PCDH7: variants seen among roughly 807,000 people sequenced by gnomAD.
PCDH7 encodes the protein protocadherin 7, also known as protocadherin-7.
A neutral mutation model predicts 58.9 loss-of-function variants in PCDH7; 17 were observed. The observed-to-expected ratio is 0.29, with a 90% CI of 0.20 to 0.43. The LOEUF (loss-of-function observed/expected upper bound fraction) is 0.43. Among genes scored for constraint, PCDH7 ranks in the 20% least tolerant of loss-of-function variants. The pLI is 1.00. For synonymous variants in PCDH7, 664 were observed against 616.4 expected (o/e 1.08, Z -1.14); for missense variants, 1,274 against 1,441.0 (o/e 0.88, Z 1.88).
chr4:31,071,045 G>A (rs1482754306), intron 3 of PCDH7, among the ~76,000 whole-genome samples: 1 of 152,022 alleles, frequency 6.6e-6, no homozygotes, highest in Admixed American at 6.6e-5. Context: ...TTCTGCCAAG[G>A]CAAGAGTGCA....
chr4:31,050,090 G>A (rs768456615), intron 3 of PCDH7, among the ~76,000 whole-genome samples: 1 of 152,076 alleles, frequency 6.6e-6, no homozygotes, highest in Non-Finnish European at 1.5e-5. Flanking sequence ...GTGACAGGAG[G>A]TGCAGGACTC....
At position 30,866,783 on chromosome 4, in the gene PCDH7, C is replaced by T. The variant is rs1734935405; in HGVS notation, c.71-53370C>T. ...ACATGGTAAACTGGAATAAGACAAT[C>T]GTTTACAGAGAAACAGGACTTGCAA... On this transcript the variant is annotated intron_variant, in intron 1 of 3. Transcript: ENST00000509759. Among the ~76,000 whole-genome samples, 5 of 152,034 alleles carry T rather than the reference C, an allele frequency of 3.3e-5. No homozygotes were observed. In the Middle Eastern group the frequency reaches 0.014, roughly 417 times the overall value.
chr4:30,782,030 T>G (rs1158369468), intron 1 of PCDH7, among the ~76,000 whole-genome samples: 1 of 152,214 alleles, frequency 6.6e-6, no homozygotes, highest in African/African-American at 2.4e-5. Context: ...ATGTTGCAAT[T>G]TAGACAACTT....
chr4:30,798,307 A>C (rs544131531), intron 1 of PCDH7, among the ~76,000 whole-genome samples: 3 of 152,214 alleles, frequency 2.0e-5, no homozygotes, highest in Non-Finnish European at 2.9e-5. Flanking sequence ...GAAGCACTAT[A>C]GAAAGAATCA....
intron 3 of PCDH7, among the ~76,000 whole-genome samples, chr4:31,075,142 T>G (rs780701961): frequency 6.6e-6 from 1 of 151,866 alleles, no homozygotes; most frequent in Non-Finnish European, 1.5e-5. Flanking sequence ...TTGTAACATG[T>G]TGCCTTCAGA....
intron 1 of PCDH7, among the ~76,000 whole-genome samples, chr4:30,730,159 T>G (rs1017880461): frequency 6.6e-6 from 1 of 151,780 alleles, no homozygotes; most frequent in Non-Finnish European, 1.5e-5. Context: ...ATGACTTTGT[T>G]TAGAATAGTC....
Position 30,741,792 on chromosome 4 carries a change from C to T in PCDH7, c.70+17196C>T, listed in dbSNP as rs575182329. 9.9e-5 allele frequency among the ~76,000 whole-genome samples: 15 copies of T among 152,216 alleles called. No individual in the cohort carries two copies. The East Asian group carries it at 2.7e-3, about 27-fold the overall frequency. ...AATTAGGGGATGGAACAATCTGGCTCGATTTGGAAAGCTGTTTCAAATTTA... is the reference window on the plus strand; with the variant it reads ...AATTAGGGGATGGAACAATCTGGCTTGATTTGGAAAGCTGTTTCAAATTTA... On this transcript the variant is annotated intron_variant, in intron 1 of 3. Coordinates refer to the PCDH7 transcript ENST00000509759.
At chr4:30,907,530 C>A (rs1372624330) in intron 1 of PCDH7, among the ~76,000 whole-genome samples, 1 of 152,110 alleles carries the variant, frequency 6.6e-6, no homozygotes, top group Non-Finnish European at 1.5e-5. Flanking sequence ...CAGAGAAATG[C>A]AAATTAAAAC....
intron 3 of PCDH7, among the ~76,000 whole-genome samples, chr4:31,130,348 T>C (rs1240093624): frequency 1.5e-4 from 23 of 152,176 alleles, no homozygotes; most frequent in Admixed American, 1.5e-3. Context: ...AGTAGAATTT[T>C]CAAAACTGCA....
Position 30,721,369 on chromosome 4 carries a change from G to T in PCDH7, c.-54G>T. ...GCAGGCGGCCGGCCCCGGAGGAGGGGGGCGCCGAGGGGGCTGTGGTTAGAA... is the reference window on the plus strand; with the variant it reads ...GCAGGCGGCCGGCCCCGGAGGAGGGTGGCGCCGAGGGGGCTGTGGTTAGAA... On this transcript the variant is annotated 5_prime_UTR_variant, in exon 1 of 2. Coordinates refer to ENST00000361762, the Ensembl canonical transcript of PCDH7. This position sits in a 1 kb window ranked among gnomAD's most constrained non-coding sequence, Gnocchi z 6.7. 1 of 1,422,216 alleles carries T rather than the reference G, an allele frequency of 7.0e-7. No individual in the cohort carries two copies. Among genetic ancestry groups the T allele is most frequent in the South Asian group, 1.5e-5 (1 of 67,342 alleles). The allele number at this position is 1,422,216 out of a possible 1,614,324, so 88.1% of individuals were successfully genotyped here.
At chr4:30,897,458 C>G (rs1739599161) in intron 1 of PCDH7, among the ~76,000 whole-genome samples, 1 of 151,766 alleles carries the variant, frequency 6.6e-6, no homozygotes, top group African/African-American at 2.4e-5. Context: ...AAAGAAATTC[C>G]CAGTATAAAA....
chr4:31,076,034 G>A (rs1758962722), intron 3 of PCDH7, among the ~76,000 whole-genome samples: 1 of 152,076 alleles, frequency 6.6e-6, no homozygotes, highest in Non-Finnish European at 1.5e-5. Context: ...AATATCCTTG[G>A]GGTTAAGTGA....
intron 3 of PCDH7, among the ~76,000 whole-genome samples, chr4:31,141,415 A>G (rs915749813): frequency 1.3e-5 from 2 of 152,246 alleles, no homozygotes; most frequent in African/African-American, 4.8e-5. Flanking sequence ...CATTTTAAAT[A>G]AAACCCTTCA....
rs749029724 is a variant in PCDH7, at chr4:30,723,539, C to T, written c.2117C>T (p.Thr706Ile). Reference sequence around the variant, plus strand: ...ATGTCTTTTGACCGGGAACATCAGACCACATACACTTTCAGAGTCAAGGCT... The same window carrying T: ...ATGTCTTTTGACCGGGAACATCAGATCACATACACTTTCAGAGTCAAGGCT... Residue 706 changes from threonine (T) to isoleucine (I), a missense_variant, in exon 1 of 2, where the codon ACC becomes ATC. By Grantham distance (89) the Thr-to-Ile change is moderately conservative. This residue lies in a region of PCDH7 where 731 missense variants were observed against 881.9 expected (regional missense o/e 0.83). Transcript: ENST00000361762. This position sits in a 1 kb window ranked among gnomAD's most constrained non-coding sequence, Gnocchi z 4.6. 2 of 1,614,136 alleles carry T rather than the reference C, an allele frequency of 1.2e-6. No individual in the cohort carries two copies. The highest frequency in any genetic ancestry group is 1.1e-5 in the South Asian group (1 of 91,088).
chr4:31,013,876 T>C (rs1407522444), intron 3 of PCDH7, among the ~76,000 whole-genome samples: 1 of 152,180 alleles, frequency 6.6e-6, no homozygotes, highest in Non-Finnish European at 1.5e-5. Flanking sequence ...TTGGCATTCA[T>C]GTTATTTATA....
chr4:30,742,749 TTTG>T (rs1717247230), intron 1 of PCDH7, among the ~76,000 whole-genome samples: 1 of 152,176 alleles, frequency 6.6e-6, no homozygotes, highest in African/African-American at 2.4e-5. Context: ...AGCTGTGAAT[TTTG>T]TTTTAATTCG....
intron 1 of PCDH7, among the ~76,000 whole-genome samples, chr4:30,817,855 A>C (rs1324615518): frequency 2.6e-5 from 4 of 152,110 alleles, no homozygotes; most frequent in Non-Finnish European, 5.9e-5. Context: ...TAGCCAGAAC[A>C]CTTCTTTTAA....
chr4:31,042,604 G>A (rs1267795732), intron 3 of PCDH7, among the ~76,000 whole-genome samples: 1 of 152,102 alleles, frequency 6.6e-6, no homozygotes, highest in East Asian at 1.9e-4. Flanking sequence ...CATTGGGGAA[G>A]GATTAGATAT....
intron 3 of PCDH7, among the ~76,000 whole-genome samples, chr4:30,950,516 T>C (rs912054548): frequency 1.3e-5 from 2 of 152,196 alleles, no homozygotes; most frequent in African/African-American, 4.8e-5. Context: ...TGTATGAATA[T>C]GCCACTTTCA....
Sources: gnomAD v4.1 joint callset for allele counts (sites outside exome capture counted in the v4.1 genomes callset) on GRCh38, gnomAD v4.1.1 for gene constraint, gnomAD v4.1.1 regional missense constraint, Gnocchi (gnomAD v3.1) non-coding constraint, MANE v1.5 for transcripts, NCBI Gene and HGNC (gene_info 2026-07-23, HGNC 2026-07-21) for gene names.